The following ATP11B variants were observed in gnomAD, a reference collection of about 807,000 sequenced individuals.
ATP11B encodes the protein phospholipid-transporting ATPase IF.
In ATP11B, 81 loss-of-function variants were observed where a neutral mutation model predicts 157.8. That is an observed-to-expected ratio of 0.51 (90% confidence interval 0.43 to 0.62). The LOEUF (loss-of-function observed/expected upper bound fraction) is 0.62, where lower values mean the gene tolerates loss of function less well. Ranked by LOEUF, ATP11B falls within the 20% of genes least tolerant of loss-of-function variation. ATP11B has a pLI of 0.00. For synonymous variants in ATP11B, 451 were observed against 469.4 expected, an observed-to-expected ratio of 0.96 and a Z score of 0.51; for missense variants, 1,165 against 1,402.2, an observed-to-expected ratio of 0.83 and a Z score of 2.70.
intron 25 of ATP11B, among the ~76,000 whole-genome samples, chr3:182,894,636 A>G (rs1323431531): frequency 6.6e-6 from 1 of 152,194 alleles, no homozygotes; most frequent in Non-Finnish European, 1.5e-5. Context: ...TTTACCCACA[A>G]AAAGCTATGT....
At chr3:182,889,872 CT>C (rs1723062341) in intron 25 of ATP11B, among the ~76,000 whole-genome samples, 1 of 152,134 alleles carries the variant, frequency 6.6e-6, no homozygotes, top group Admixed American at 6.5e-5. Flanking sequence ...TTATCTGGTA[CT>C]TACTTTTGTG....
At chr3:182,887,158 T>G (rs1722851748) in intron 23 of ATP11B, among the ~76,000 whole-genome samples, 1 of 152,134 alleles carries the variant, frequency 6.6e-6, no homozygotes, top group African/African-American at 2.4e-5. Context: ...AAGAAGATAG[T>G]CTTGTTCAGT....
chr3:182,899,416 G>C (rs141799038), intron 28 of ATP11B, among the ~76,000 whole-genome samples: 1 of 152,000 alleles, frequency 6.6e-6, no homozygotes, highest in Non-Finnish European at 1.5e-5. Flanking sequence ...CTCCCGAAGC[G>C]CTGGGATTAC....
chr3:182,914,228 CA>C (rs1385808965), intron 29 of ATP11B: 3 of 1,298,892 alleles, frequency 2.3e-6, no homozygotes, highest in Admixed American at 3.9e-5. Flanking sequence ...ATCTAATGAA[CA>C]AAAAATTTTG....
intron 1 of ATP11B, among the ~76,000 whole-genome samples, chr3:182,797,569 G>A (rs141626830): frequency 3.3e-5 from 5 of 152,180 alleles, no homozygotes; most frequent in East Asian, 1.9e-4. Flanking sequence ...TTTGCCTGGC[G>A]TGGTGATGGG....
intron 10 of ATP11B, among the ~76,000 whole-genome samples, chr3:182,852,348 A>G (rs1046602730): frequency 1.6e-4 from 24 of 152,370 alleles, no homozygotes; most frequent in Admixed American, 1.4e-3. Context: ...GAGAAGTGGT[A>G]TAAGAGAAAA....
intron 4 of ATP11B, among the ~76,000 whole-genome samples, chr3:182,831,051 G>T (rs956881894): frequency 4.6e-5 from 7 of 152,080 alleles, no homozygotes; most frequent in African/African-American, 1.7e-4. Flanking sequence ...CCATCTCTAT[G>T]ATGATGGTTC....
chr3:182,916,527 A>G lies in ATP11B; in HGVS notation c.3453-1496A>G, dbSNP rs947153582. On this transcript the variant is annotated intron_variant, in intron 29 of 29. Transcript: ENST00000323116. The stretch of plus-strand genomic sequence containing the variant: ...AAGAGAGCATCATGGTGCTATATAA[A>G]GAATATGCCATGTTGCACCCTAAAG... 9.1e-6 allele frequency: 9 copies of G among 985,260 alleles called. No homozygotes were observed. The African/African-American group carries it at 1.0e-4, about 11-fold the overall frequency. The allele number at this position is 985,260 out of a possible 1,614,324, so 61.0% of individuals were successfully genotyped here.
At position 182,806,090 on chromosome 3, in the gene ATP11B, A is replaced by G. The variant is rs148562383; in HGVS notation, c.27+12304A>G. On this transcript the variant is annotated intron_variant, in intron 1 of 29. Coordinates refer to ENST00000323116, the MANE Select transcript of ATP11B (RefSeq NM_014616.3). The stretch of plus-strand genomic sequence containing the variant: ...TTTAAGCAAGAGTTCATGAGTGGTA[A>G]TGTTTTTATTTCATAGTCACTATTG... 9.9e-5 allele frequency among the ~76,000 whole-genome samples: 15 copies of G among 152,260 alleles called. No homozygotes were observed. The East Asian group carries it at 2.7e-3, about 27-fold the overall frequency.
At chr3:182,863,205 A>G (rs1287867992) in intron 12 of ATP11B, among the ~76,000 whole-genome samples, 1 of 152,092 alleles carries the variant, frequency 6.6e-6, no homozygotes, top group African/African-American at 2.4e-5. Flanking sequence ...CGCCTGGCCA[A>G]TCCATTTATT....
Position 182,897,391 on chromosome 3 carries a change from A to G in ATP11B, c.3137A>G (p.Tyr1046Cys). The G allele has an allele frequency of 1.3e-6, 2 of 1,576,328 alleles. No individual in the cohort carries two copies. The highest frequency in any genetic ancestry group is 1.7e-6 in the Non-Finnish European group (2 of 1,162,544). The change falls in exon 27 of 30, where the codon TAT becomes TGT. Residue 1046 changes from tyrosine (Y) to cysteine (C), a missense_variant. Tyr to Cys is a radical substitution (Grantham distance 194). This residue lies in a region of ATP11B where 303 missense variants were observed against 296.3 expected (regional missense o/e 1.02). Transcript: ENST00000323116. Reference protein sequence around the residue: ...IIFYFVFSLFYGGILWPFLGS... With the variant: ...IIFYFVFSLFCGGILWPFLGS... ...TTTTATTTTGTATTTTCCTTGTTTT[A>G]TGGAGGGATTCTCTGGTGAGTGAAT...
chr3:182,863,856 C>T (rs1486272250), intron 12 of ATP11B, among the ~76,000 whole-genome samples: 2 of 151,922 alleles, frequency 1.3e-5, no homozygotes, highest in African/African-American at 4.8e-5. Context: ...GCTAATGTAT[C>T]TTATATATTT....
intron 8 of ATP11B, 59 bp downstream of exon 8, chr3:182,842,181 C>A: frequency 1.7e-6 from 2 of 1,201,844 alleles, no homozygotes; most frequent in Non-Finnish European, 2.4e-6. Flanking sequence ...GGGGGAGGGA[C>A]TAGAAGTTCC....
At chr3:182,844,494 A>T (rs1304747109) in intron 8 of ATP11B, 2 of 867,812 alleles carry the variant, frequency 2.3e-6, no homozygotes, top group Non-Finnish European at 2.8e-6. Context: ...TATCACTAAG[A>T]AGATCAATTT....
intron 21 of ATP11B, 45 bp downstream of exon 21, chr3:182,881,026 G>A (rs756576931): frequency 7.1e-7 from 1 of 1,404,420 alleles, no homozygotes; most frequent in Non-Finnish European, 9.8e-7. Context: ...TTTTAAAGTT[G>A]GTGGTATTAT....
chr3:182,892,209 C>G (rs1723222659), intron 25 of ATP11B, among the ~76,000 whole-genome samples: 1 of 152,132 alleles, frequency 6.6e-6, no homozygotes, highest in Non-Finnish European at 1.5e-5. Flanking sequence ...CCAAGATTCC[C>G]TCACCACCAC....
At position 182,820,329 on chromosome 3, in the gene ATP11B, C is replaced by T; in HGVS notation, c.97C>T (p.Leu33Phe). 2.5e-6 allele frequency: 4 copies of T among 1,613,636 alleles called. No individual in the cohort carries two copies. Among genetic ancestry groups the T allele is most frequent in the Admixed American group, 1.7e-5 (1 of 60,016 alleles). Reference sequence around the variant, plus strand: ...AGCCAACAGGTTTCCTCAGAATGGCCTTTACACACCTCAGAAATTTATAGA... The same window carrying T: ...AGCCAACAGGTTTCCTCAGAATGGCTTTTACACACCTCAGAAATTTATAGA... Reference protein sequence around the residue: ...YVANRFPQNGLYTPQKFIDNR... With the variant: ...YVANRFPQNGFYTPQKFIDNR... The change falls in exon 2 of 30, where the codon CTT becomes TTT. Residue 33 changes from leucine (L) to phenylalanine (F), a missense_variant. Leu to Phe is a conservative substitution (Grantham distance 22). Coordinates refer to ENST00000323116, the MANE Select transcript of ATP11B (RefSeq NM_014616.3).
intron 1 of ATP11B, among the ~76,000 whole-genome samples, chr3:182,802,788 A>G (rs554119788): frequency 3.3e-4 from 51 of 152,256 alleles, no homozygotes; most frequent in Non-Finnish European, 6.6e-4. Context: ...TCAGGAAGGA[A>G]GGGATTTTGT....
At chr3:182,808,827 T>C (rs781363491) in intron 1 of ATP11B, among the ~76,000 whole-genome samples, 46 of 152,338 alleles carry the variant, frequency 3.0e-4, no homozygotes, top group Non-Finnish European at 5.4e-4. Context: ...GTTTCTCTTA[T>C]TGTTAACATT....
Sources: gnomAD v4.1 joint callset for allele counts (sites outside exome capture counted in the v4.1 genomes callset) on GRCh38, gnomAD v4.1.1 for gene constraint, gnomAD v4.1.1 regional missense constraint, MANE v1.5 for transcripts, NCBI Gene and HGNC (gene_info 2026-07-23, HGNC 2026-07-21) for gene names.